Variants in MTUS2 observed in about 807,000 individuals in gnomAD.
The protein encoded by MTUS2 is microtubule associated scaffold protein 2.
A neutral mutation model predicts 114.1 loss-of-function variants in MTUS2; 40 were observed. The observed-to-expected ratio is 0.35, with a 90% CI of 0.27 to 0.46. MTUS2 has a LOEUF of 0.46. Ranked by LOEUF, MTUS2 falls within the 20% of genes least tolerant of loss-of-function variation. MTUS2 has a pLI of 1.00. For synonymous variants in MTUS2, 688 were observed against 672.0 expected, an observed-to-expected ratio of 1.02 and a Z score of -0.37; for missense variants, 1,679 against 1,705.4, an observed-to-expected ratio of 0.98 and a Z score of 0.27.
intron 5 of MTUS2, chr13:29,239,395 T>A (rs1593207160): frequency 6.6e-6 from 1 of 152,178 alleles, no homozygotes; most frequent in East Asian, 1.9e-4. Context: ...TTTACACTGT[T>A]GCCTGGGAGT....
At chr13:29,273,612 A>G (rs1897955779) in intron 5 of MTUS2, among the ~76,000 whole-genome samples, 1 of 152,174 alleles carries the variant, frequency 6.6e-6, no homozygotes, top group Admixed American at 6.5e-5. Context: ...GACTTTCAGT[A>G]TATTCACAAG....
intron 2 of MTUS2, among the ~76,000 whole-genome samples, chr13:28,994,111 C>T (rs989800843): frequency 6.6e-6 from 1 of 152,030 alleles, no homozygotes; most frequent in Non-Finnish European, 1.5e-5. Context: ...TCCATGTGTT[C>T]TCATTGTTCA....
chr13:29,500,865 A>G (rs1362884527), intron 14 of MTUS2, among the ~76,000 whole-genome samples: 16 of 152,068 alleles, frequency 1.1e-4, no homozygotes, highest in African/African-American at 3.9e-4. Flanking sequence ...AAATAAAAAT[A>G]TCTGAAATTT....
At chr13:29,318,469 A>C (rs1333523077) in intron 6 of MTUS2, among the ~76,000 whole-genome samples, 1 of 144,152 alleles carries the variant, frequency 6.9e-6, no homozygotes, top group Non-Finnish European at 1.5e-5. Flanking sequence ...CAGGGGACTA[A>C]TGGAGACCAA....
intron 1 of MTUS2, among the ~76,000 whole-genome samples, chr13:28,828,502 T>C (rs1345694309): frequency 6.6e-6 from 1 of 152,224 alleles, no homozygotes; most frequent in Non-Finnish European, 1.5e-5. Context: ...CAATTTATCT[T>C]CAGAGATTGC....
intron 5 of MTUS2, among the ~76,000 whole-genome samples, chr13:29,146,771 A>G (rs890703407): frequency 5.9e-5 from 9 of 152,198 alleles, no homozygotes; most frequent in African/African-American, 2.2e-4. Context: ...TTAATCCTAC[A>G]TAGACCTGAG....
At chr13:29,128,172 A>G (rs1891599387) in intron 5 of MTUS2, among the ~76,000 whole-genome samples, 1 of 152,248 alleles carries the variant, frequency 6.6e-6, no homozygotes, top group African/African-American at 2.4e-5. Context: ...TTGTAGAGGC[A>G]TGACACATTG....
At chr13:29,039,466 C>T (rs569806948) in intron 4 of MTUS2, among the ~76,000 whole-genome samples, 9 of 152,302 alleles carry the variant, frequency 5.9e-5, no homozygotes, top group Admixed American at 3.3e-4. Context: ...CGTCACAGGG[C>T]GCAGCTGCAG....
chr13:29,478,432 C>T (rs1593491386), intron 9 of MTUS2, among the ~76,000 whole-genome samples: 2 of 152,084 alleles, frequency 1.3e-5, no homozygotes, highest in Admixed American at 6.5e-5. Flanking sequence ...CAATAATGTC[C>T]TTGTACTGTA....
chr13:29,185,586 T>A (rs1346400746), intron 5 of MTUS2, among the ~76,000 whole-genome samples: 1 of 151,718 alleles, frequency 6.6e-6, no homozygotes, highest in African/African-American at 2.4e-5. Flanking sequence ...AGCTGATTTC[T>A]CCCCCCCAAA....
intron 5 of MTUS2, among the ~76,000 whole-genome samples, chr13:29,163,100 G>T (rs1220600172): frequency 2.0e-5 from 3 of 152,176 alleles, no homozygotes; most frequent in Non-Finnish European, 4.4e-5. Flanking sequence ...ATAGGGTGGG[G>T]TGAGTGAGGC....
intron 5 of MTUS2, among the ~76,000 whole-genome samples, chr13:29,278,388 T>C (rs865860609): frequency 6.6e-6 from 1 of 152,090 alleles, no homozygotes; most frequent in Non-Finnish European, 1.5e-5. Flanking sequence ...AATATACTGA[T>C]ACCCAATACA....
At chr13:28,870,737 A>T (rs1384126179) in intron 2 of MTUS2, among the ~76,000 whole-genome samples, 1 of 152,172 alleles carries the variant, frequency 6.6e-6, no homozygotes, top group African/African-American at 2.4e-5. Context: ...TTGTTTAAGT[A>T]TGGGAGACCA....
chr13:28,965,802 C>G (rs1181634678), intron 2 of MTUS2, among the ~76,000 whole-genome samples: 1 of 152,182 alleles, frequency 6.6e-6, no homozygotes, highest in Non-Finnish European at 1.5e-5. Flanking sequence ...GGACCTCAAT[C>G]TTTTTCTCTG....
At chr13:29,300,629 A>G (rs571040281) in intron 6 of MTUS2, among the ~76,000 whole-genome samples, 1 of 151,906 alleles carries the variant, frequency 6.6e-6, no homozygotes, top group East Asian at 1.9e-4. Context: ...TATATATTCT[A>G]CTAGCTATAT....
intron 2 of MTUS2, among the ~76,000 whole-genome samples, chr13:28,945,193 A>ATG (rs1882458836): frequency 6.6e-6 from 1 of 151,654 alleles, no homozygotes; most frequent in Non-Finnish European, 1.5e-5. Context: ...ATATATATAT[A>ATG]TACACCACAT....
chr13:29,365,426 G>GT, intron 8 of MTUS2, among the ~76,000 whole-genome samples: 1 of 151,850 alleles, frequency 6.6e-6, no homozygotes, highest in Non-Finnish European at 1.5e-5. Flanking sequence ...GATGAGAACA[G>GT]ATACCTGACC....
intron 5 of MTUS2, among the ~76,000 whole-genome samples, chr13:29,189,812 T>C (rs552409803): frequency 1.3e-5 from 2 of 152,236 alleles, no homozygotes; most frequent in South Asian, 2.1e-4. Flanking sequence ...TTTTTCTCCA[T>C]TGTTATGGAT....
At chr13:29,045,536 T>C (rs1210966931) in intron 4 of MTUS2, among the ~76,000 whole-genome samples, 1 of 152,120 alleles carries the variant, frequency 6.6e-6, no homozygotes, top group Non-Finnish European at 1.5e-5. Context: ...GGTATGTACA[T>C]GAAGGGGCAA....
Sources: allele counts gnomAD v4.1 joint callset (sites outside exome capture counted in the v4.1 genomes callset), GRCh38; gene constraint gnomAD v4.1.1; transcripts MANE v1.5; gene names NCBI Gene and HGNC (gene_info 2026-07-23, HGNC 2026-07-21).